The following GNG7 variants were observed in gnomAD, a reference collection of about 807,000 sequenced individuals.
GNG7 encodes the protein guanine nucleotide-binding protein G(I)/G(S)/G(O) subunit gamma-7.
Under a neutral mutation model 4.0 loss-of-function variants are expected in GNG7, and 1 was observed. The observed-to-expected ratio is 0.25, with a 90% CI of 0.09 to 1.18. The LOEUF (loss-of-function observed/expected upper bound fraction) is 1.18, where lower values mean the gene tolerates loss of function less well. GNG7 is among the 50% of genes most tolerant of loss of function. The pLI, the probability that GNG7 is intolerant of heterozygous loss-of-function variation, is 0.50. For missense variants in GNG7, 86 were observed against 91.9 expected (o/e 0.94, Z 0.26); for synonymous variants, 34 against 36.9 (o/e 0.92, Z 0.29).
At position 2,651,491 on chromosome 19, in the gene GNG7, CT is replaced by C. The variant is rs537154325; in HGVS notation, c.-134-5212del. On this transcript the variant is annotated intron_variant, in intron 1 of 4. Transcript: ENST00000382159. ...TCTTTTTCTTTCTCTCTCTTACTCT[CT>C]TTCTGTCTTCCTTTGTCTCTCTCTT... Among the ~76,000 whole-genome samples, 661 of 142,958 alleles carry C rather than the reference CT, an allele frequency of 4.6e-3. 13 individuals carry two copies. Among genetic ancestry groups the C allele is most frequent in the Middle Eastern group, 7.5e-3 (2 of 268 alleles). 93.8% of individuals were successfully genotyped at this position (142,958 alleles called of 152,430 possible). A position where few individuals can be genotyped will look rare whatever the true frequency, so the allele number is the denominator to read the frequency against.
intron 2 of GNG7, among the ~76,000 whole-genome samples, chr19:2,579,406 C>T (rs1980437452): frequency 6.6e-6 from 1 of 152,218 alleles, no homozygotes; most frequent in Non-Finnish European, 1.5e-5. Context: ...GGCCATCAGG[C>T]TGCCCCGGGA....
At chr19:2,672,626 A>G (rs747499006) in intron 1 of GNG7, among the ~76,000 whole-genome samples, 6 of 151,860 alleles carry the variant, frequency 4.0e-5, no homozygotes, top group Non-Finnish European at 8.8e-5. Flanking sequence ...TTGTATTTTT[A>G]GTAGAGATAG....
chr19:2,674,848 TC>T (rs1474195973), intron 1 of GNG7, among the ~76,000 whole-genome samples: 1 of 152,174 alleles, frequency 6.6e-6, no homozygotes, highest in Non-Finnish European at 1.5e-5. Flanking sequence ...ATTTCCACCC[TC>T]GACAGCGCCG....
At chr19:2,553,792 T>C (rs114739865) in intron 3 of GNG7, among the ~76,000 whole-genome samples, 3,653 of 132,472 alleles carry the variant, frequency 0.028, 81 homozygotes, top group African/African-American at 0.05. Flanking sequence ...CACACACATG[T>C]ACGTATCATG....
rs988018066 is a variant in GNG7 at position 2,609,119 on chromosome 19, C to T, written c.-78+37105G>A. On this transcript the variant is annotated intron_variant, in intron 2 of 4. Coordinates refer to ENST00000382159, the MANE Select transcript of GNG7 (RefSeq NM_052847.3). This position sits in a 1 kb window ranked among gnomAD's most constrained non-coding sequence, Gnocchi z 4.4. ...TTGGCTCACCGCAACCTCTGCCTCTCAGGTTCAAGCAATCCTCCTGCCTTA... is the reference window on the plus strand; with the variant it reads ...TTGGCTCACCGCAACCTCTGCCTCTTAGGTTCAAGCAATCCTCCTGCCTTA... 6.6e-6 allele frequency among the ~76,000 whole-genome samples: 1 copy of T among 152,004 alleles called. No individual in the cohort carries two copies. The highest frequency in any genetic ancestry group is 1.5e-5 in the Non-Finnish European group (1 of 68,006).
chr19:2,699,306 G>T (rs1290452946), intron 1 of GNG7, among the ~76,000 whole-genome samples: 1 of 151,894 alleles, frequency 6.6e-6, no homozygotes, highest in Non-Finnish European at 1.5e-5. Context: ...GTGCTACCAC[G>T]CCCAGTTAGT....
intron 1 of GNG7, among the ~76,000 whole-genome samples, chr19:2,652,554 G>T (rs2144868043): frequency 6.6e-6 from 1 of 152,278 alleles, no homozygotes; most frequent in South Asian, 2.1e-4. Context: ...GAGAGGCAGA[G>T]GTTGCAGTGA....
Position 2,512,846 on chromosome 19 carries a change from AG to A in GNG7, c.*2175del. ...GGCTCTCCCTGCCTGGGGTCCTCCC[AG>A]GGTCTCTGGAACAGGCTTTTGTCCC... On this transcript the variant is annotated 3_prime_UTR_variant, in exon 5 of 5. Coordinates refer to ENST00000382159, the MANE Select transcript of GNG7 (RefSeq NM_052847.3). The surrounding 1 kb of genome is among the most constrained non-coding windows in gnomAD (Gnocchi z 4.7). The A allele has an allele frequency of 1.0e-6, 1 of 960,756 alleles. No homozygotes were observed. Among genetic ancestry groups the A allele is most frequent in the Non-Finnish European group, 1.2e-6 (1 of 807,404 alleles). The allele number at this position is 960,756 out of a possible 1,614,324, so 59.5% of individuals were successfully genotyped here.
intron 2 of GNG7, chr19:2,632,786 AC>A (rs1169883861): frequency 6.6e-6 from 1 of 152,230 alleles, no homozygotes; most frequent in Non-Finnish European, 1.5e-5. Context: ...AATAATAATA[AC>A]AAGAATATAA....
At chr19:2,571,891 C>T (rs1186714368) in intron 2 of GNG7, among the ~76,000 whole-genome samples, 2 of 151,974 alleles carry the variant, frequency 1.3e-5, no homozygotes, top group African/African-American at 2.4e-5. Flanking sequence ...CCACTGCGCC[C>T]GGCCAGTTGA....
intron 1 of GNG7, among the ~76,000 whole-genome samples, chr19:2,686,214 G>A (rs969412693): frequency 6.6e-6 from 1 of 151,478 alleles, no homozygotes; most frequent in Non-Finnish European, 1.5e-5. Flanking sequence ...CTGGAGTGCA[G>A]TGGTGCGATC....
In GNG7 at chr19:2,640,135, G is replaced by A. The variant is rs144485723; in HGVS notation, c.-78+6089C>T. Among the ~76,000 whole-genome samples, 610 of 127,010 alleles carry A rather than the reference G, an allele frequency of 4.8e-3. 5 individuals are homozygous for A. The highest frequency in any genetic ancestry group is 0.019 in the Middle Eastern group (5 of 266). 83.3% of individuals were successfully genotyped at this position (127,010 alleles called of 152,430 possible). ...AGGGAGGGAGGGGAGGAGGGAGGGAGGAGGGAGGGAAGGAAGCGGCAGAGG... is the reference window on the plus strand; with the variant it reads ...AGGGAGGGAGGGGAGGAGGGAGGGAAGAGGGAGGGAAGGAAGCGGCAGAGG... On this transcript the variant is annotated intron_variant, in intron 2 of 4. Transcript: ENST00000382159.
chr19:2,637,299 C>G (rs1599433877), intron 2 of GNG7, among the ~76,000 whole-genome samples: 1 of 152,156 alleles, frequency 6.6e-6, no homozygotes, highest in South Asian at 2.1e-4. Context: ...CAGGGGATCA[C>G]GGTGCTGGTT....
At chr19:2,580,068 G>A (rs1980458206) in intron 2 of GNG7, among the ~76,000 whole-genome samples, 1 of 152,078 alleles carries the variant, frequency 6.6e-6, no homozygotes. Context: ...CATCCCAGAG[G>A]ACCCACTCAA....
At chr19:2,695,141 T>C (rs1913215408) in intron 1 of GNG7, among the ~76,000 whole-genome samples, 1 of 151,992 alleles carries the variant, frequency 6.6e-6, no homozygotes, top group African/African-American at 2.4e-5. Flanking sequence ...AGAAAATGTG[T>C]GGTGAGTGGC....
At chr19:2,522,939 A>T (rs1978318101) in intron 3 of GNG7, among the ~76,000 whole-genome samples, 1 of 146,636 alleles carries the variant, frequency 6.8e-6, no homozygotes, top group South Asian at 2.5e-4. Context: ...ATCTCAGCTC[A>T]CTGCAAGCTC....
At chr19:2,578,180 T>G (rs1980399298) in intron 2 of GNG7, among the ~76,000 whole-genome samples, 1 of 151,634 alleles carries the variant, frequency 6.6e-6, no homozygotes. Context: ...TAGAGGGTGC[T>G]GATTCTTAGG....
At chr19:2,661,670 TAAAAA>T (rs57483197) in intron 1 of GNG7, among the ~76,000 whole-genome samples, 356 of 108,634 alleles carry the variant, frequency 3.3e-3, no homozygotes, top group South Asian at 7.1e-3. Flanking sequence ...GAGACTCCAT[TAAAAA>T]AAAAAAAAAA....
chr19:2,651,346 CCCTCCCTCCCTCCCTTCCCTCCA>C (rs1457607846), intron 1 of GNG7, among the ~76,000 whole-genome samples: 25 of 25,450 alleles, frequency 9.8e-4, no homozygotes, highest in East Asian at 2.6e-3. Context: ...TTCCCTCCAT[CCCTCCCTCCCTCCCTTCCCTCCA>C]TCCCTCCCTC....
Sources: allele counts gnomAD v4.1 joint callset (sites outside exome capture counted in the v4.1 genomes callset), GRCh38; gene constraint gnomAD v4.1.1; non-coding constraint Gnocchi (gnomAD v3.1); transcripts MANE v1.5; gene names NCBI Gene and HGNC (gene_info 2026-07-23, HGNC 2026-07-21).